Variants in EPG5 observed in about 807,000 individuals in gnomAD.
EPG5 encodes the protein ectopic P granules protein 5 homolog.
EPG5 carries 159 observed loss-of-function variants against 302.7 expected under a neutral mutation model. That is an observed-to-expected ratio of 0.53 (90% CI 0.46 to 0.60). The LOEUF is 0.60. Ranked by LOEUF, EPG5 falls within the 20% of genes least tolerant of loss-of-function variation. The pLI, the probability that EPG5 is intolerant of heterozygous loss-of-function variation, is 0.00. For missense variants in EPG5, 2,896 were observed against 3,092.4 expected, an observed-to-expected ratio of 0.94 and a Z score of 1.51; for synonymous variants, 1,158 against 1,136.8, an observed-to-expected ratio of 1.02 and a Z score of -0.37.
At chr18:45,927,498 G>A (rs1290724416) in intron 13 of EPG5, among the ~76,000 whole-genome samples, 1 of 151,608 alleles carries the variant, frequency 6.6e-6, no homozygotes, top group Non-Finnish European at 1.5e-5. Flanking sequence ...AGAGATATTG[G>A]TACATCCGCA....
chr18:45,830,372 G>A, the EPG5 span, among the ~76,000 whole-genome samples: 1 of 152,200 alleles, frequency 6.6e-6, no homozygotes, highest in Non-Finnish European at 1.5e-5. Context: ...CTGCTCCCTA[G>A]TGGGATCATG....
rs1351338192 is a variant in EPG5 at position 45,925,922 on chromosome 18, T to C, written c.2554-20A>G. ...AGAAACCTTATTAAAAAGAAAACAA[T>C]AATCATTAAATAAAGACTTAGAAAC... On this transcript the variant is annotated intron_variant, in intron 13 of 43. Transcript: ENST00000282041. 5 of 1,313,876 alleles carry C rather than the reference T, an allele frequency of 3.8e-6. No homozygotes were observed. Among genetic ancestry groups the C allele is most frequent in the Non-Finnish European group, 5.0e-6 (5 of 1,006,616 alleles). The allele number at this position is 1,313,876 out of a possible 1,614,324, so 81.4% of individuals were successfully genotyped here. A position where few individuals can be genotyped will look rare whatever the true frequency, so the allele number is the denominator to read the frequency against.
chr18:45,884,540 C>T, intron 30 of EPG5, 77 bp downstream of exon 30: 1 of 1,371,886 alleles, frequency 7.3e-7, no homozygotes, highest in African/African-American at 1.5e-5. Context: ...TGCAGAGGTC[C>T]TTTTATTTCT....
At position 45,910,604 on chromosome 18, in the gene EPG5, T is replaced by A; in HGVS notation, c.4122A>T (p.Ala1374=). The change falls in exon 23 of 44, where the codon GCA becomes GCT. Residue 1374 remains alanine (A), a synonymous_variant. Coordinates refer to ENST00000282041, the MANE Select transcript of EPG5 (RefSeq NM_020964.3). ...TCTCTGGCAGCCCTTCACTGCCCTCTGCTGGAACACGGAGGGCCTTGCTTG... is the reference window on the plus strand; with the variant it reads ...TCTCTGGCAGCCCTTCACTGCCCTCAGCTGGAACACGGAGGGCCTTGCTTG... ...HAASKALRVP[A]EGSEGLPESH... 1 of 1,614,140 alleles carries A rather than the reference T, an allele frequency of 6.2e-7. No individual in the cohort carries two copies.
At chr18:45,948,053 G>T (rs974615457) in intron 6 of EPG5, among the ~76,000 whole-genome samples, 1 of 152,128 alleles carries the variant, frequency 6.6e-6, no homozygotes, top group Non-Finnish European at 1.5e-5. Context: ...GGGATTACAG[G>T]TGTGAGCCAC....
At position 45,880,107 on chromosome 18, in the gene EPG5, T is replaced by A; in HGVS notation, c.5635A>T (p.Ser1879Cys). The change falls in exon 32 of 44, where the codon AGC becomes TGC. Residue 1879 changes from serine to cysteine, a missense_variant. By Grantham distance (112) the Ser-to-Cys change is moderately radical. This residue lies in a region of EPG5 where 790 missense variants were observed against 798.0 expected (regional missense o/e 0.99). Coordinates refer to ENST00000282041, the MANE Select transcript of EPG5 (RefSeq NM_020964.3). The stretch of plus-strand genomic sequence containing the variant: ...TCTGACAAGAGAGCATCAGAAGAGC[T>A]GGGAAGCACGGCGCCCTCGGTGGAC... The part of the protein sequence containing the change: ...AASTEGAVLP[S>C]SSDALLSDKQ... The A allele has an allele frequency of 6.2e-7, 1 of 1,609,406 alleles. No homozygotes were observed. Among genetic ancestry groups the A allele is most frequent in the Non-Finnish European group, 8.5e-7 (1 of 1,176,932 alleles).
At chr18:45,837,004 C>A in the EPG5 span, 1 of 1,167,686 alleles carries the variant, frequency 8.6e-7, no homozygotes. Context: ...ACGTGTAACC[C>A]GGGGTTAACT....
chr18:45,949,412 A>T lies in EPG5; in HGVS notation c.1497+72T>A. The T allele has an allele frequency of 8.6e-6, 7 of 810,798 alleles. 1 individual carries two copies. In the South Asian group the frequency reaches 1.3e-4, roughly 15 times the overall value. The allele number at this position is 810,798 out of a possible 1,614,324, so 50.2% of individuals were successfully genotyped here. A position where few individuals can be genotyped will look rare whatever the true frequency, so the allele number is the denominator to read the frequency against. On this transcript the variant is annotated intron_variant, in intron 5 of 43. Coordinates refer to ENST00000282041, the MANE Select transcript of EPG5 (RefSeq NM_020964.3). Reference sequence around the variant, plus strand: ...TTTAAATAGTCCTTTTTTTTTCAGCAATTTCTTCAGGAATAATGTCTAATA... The same window carrying T: ...TTTAAATAGTCCTTTTTTTTTCAGCTATTTCTTCAGGAATAATGTCTAATA...
At chr18:45,928,213 CA>C (rs35390875) in intron 13 of EPG5, among the ~76,000 whole-genome samples, 230 of 130,370 alleles carry the variant, frequency 1.8e-3, no homozygotes, top group Non-Finnish European at 1.8e-3. Context: ...AACTCCATCT[CA>C]AAAAAAAAAA....
At chr18:45,910,496 T>C in intron 23 of EPG5, 25 bp downstream of exon 23, 1 of 1,541,218 alleles carries the variant, frequency 6.5e-7, no homozygotes, top group Non-Finnish European at 8.8e-7. Flanking sequence ...AACAACAATG[T>C]AGGTGGCTAA....
At chr18:45,808,564 G>A in the EPG5 span, among the ~76,000 whole-genome samples, 2 of 152,048 alleles carry the variant, frequency 1.3e-5, no homozygotes, top group Non-Finnish European at 2.9e-5. Flanking sequence ...AGGGATTGGG[G>A]GCCTATCTTC....
chr18:45,840,131 A>G, the EPG5 span: 3 of 1,509,558 alleles, frequency 2.0e-6, no homozygotes, highest in Admixed American at 1.8e-5. Context: ...CCCCTTCCAC[A>G]TGGCATGGGT....
intron 13 of EPG5, among the ~76,000 whole-genome samples, chr18:45,926,744 G>C (rs562225135): frequency 2.6e-5 from 4 of 151,872 alleles, no homozygotes; most frequent in Admixed American, 1.3e-4. Flanking sequence ...ACCCATTGGC[G>C]GAGGTTGCAG....
At chr18:45,877,469 C>T (rs1686812686) in intron 34 of EPG5, among the ~76,000 whole-genome samples, 1 of 151,868 alleles carries the variant, frequency 6.6e-6, no homozygotes, top group Non-Finnish European at 1.5e-5. Context: ...ACTCAATATC[C>T]AAATAGGTTC....
intron 43 of EPG5, among the ~76,000 whole-genome samples, chr18:45,855,053 T>C (rs1568091211): frequency 6.6e-6 from 1 of 151,760 alleles, no homozygotes; most frequent in Non-Finnish European, 1.5e-5. Context: ...TATAGGAATG[T>C]GGCCTTCCAT....
intron 28 of EPG5, among the ~76,000 whole-genome samples, chr18:45,888,951 T>C (rs1268761666): frequency 6.6e-6 from 1 of 152,196 alleles, no homozygotes; most frequent in Non-Finnish European, 1.5e-5. Flanking sequence ...TGACTAAAGT[T>C]GAGATAAAGA....
chr18:45,817,774 T>C, the EPG5 span, among the ~76,000 whole-genome samples: 1 of 152,244 alleles, frequency 6.6e-6, no homozygotes, highest in Non-Finnish European at 1.5e-5. Flanking sequence ...GAAGCCACAT[T>C]GACGTTTATG....
chr18:45,910,881 C>T, intron 22 of EPG5, 139 bp from the exon 23 acceptor site: 9 of 629,150 alleles, frequency 1.4e-5, no homozygotes, highest in South Asian at 2.2e-5. Flanking sequence ...ATTATTTCTA[C>T]CTCAAAGATT....
intron 25 of EPG5, among the ~76,000 whole-genome samples, chr18:45,901,828 T>C (rs1599531415): frequency 2.0e-5 from 3 of 152,170 alleles, no homozygotes; most frequent in Admixed American, 6.5e-5. Context: ...AACTTTGCCC[T>C]AGATTACACA....
Sources: gnomAD v4.1 joint callset for allele counts (sites outside exome capture counted in the v4.1 genomes callset) on GRCh38, gnomAD v4.1.1 for gene constraint, gnomAD v4.1.1 regional missense constraint, MANE v1.5 for transcripts, NCBI Gene and HGNC (gene_info 2026-07-23, HGNC 2026-07-21) for gene names.